Variants in SNX32 observed in about 807,000 individuals in gnomAD.
SNX32 encodes the protein sorting nexin 32, also known as sorting nexin-32.
A neutral mutation model predicts 57.0 loss-of-function variants in SNX32; 58 were observed. The observed-to-expected ratio is 1.02, with a 90% CI of 0.82 to 1.27. The LOEUF (loss-of-function observed/expected upper bound fraction) is 1.27. Ranked by LOEUF, SNX32 falls within the 50% of genes most tolerant of loss-of-function variation. The pLI, the probability that SNX32 is intolerant of heterozygous loss-of-function variation, is 0.00. For synonymous variants in SNX32, 262 were observed against 220.4 expected, an observed-to-expected ratio of 1.19 and a Z score of -1.67; for missense variants, 589 against 541.2, an observed-to-expected ratio of 1.09 and a Z score of -0.88.
At chr11:65,851,787 T>A in intron 9 of SNX32, 108 bp downstream of exon 9, 1 of 1,261,064 alleles carries the variant, frequency 7.9e-7, no homozygotes, top group South Asian at 1.2e-5. Flanking sequence ...AGTGATAACT[T>A]GGGCCCAGTG....
Position 65,850,553 on chromosome 11 carries a change from A to G in SNX32, c.497A>G (p.Asp166Gly). The change falls in exon 5 of 13, where the codon GAT (aspartate) becomes GGT (glycine). Residue 166 changes from aspartate to glycine, a missense_variant and splice_region_variant. Transcript: ENST00000308342. The part of the protein sequence containing the change: ...NFFVFLEYGQ[D>G]LSVRGKNRKE... ...TTTGTGTTTTTGGAATATGGACAGG[A>G]TGTGAGCTGGGCCGAATCCCTGGGG... The G allele has an allele frequency of 1.2e-6, 2 of 1,605,742 alleles. No individual in the cohort carries two copies. Among genetic ancestry groups the G allele is most frequent in the Non-Finnish European group, 1.7e-6 (2 of 1,175,998 alleles).
intron 1 of SNX32, among the ~76,000 whole-genome samples, chr11:65,839,223 G>GTTGTTTTTTTTTTTTTTTT: frequency 4.3e-5 from 1 of 23,068 alleles, no homozygotes; most frequent in South Asian, 2.1e-3. Flanking sequence ...TAATTTTTTT[G>GTTGTTTTTTTTTTTTTTTT]TATTTTTTTT....
In SNX32 at chr11:65,834,319, G is replaced by A. The variant is rs550598765; in HGVS notation, c.36+218G>A. ...CATATGTCTGTGTGTGTGTGTATCTGTGTATGTCTGTATTTGTGTCTCTGT... is the reference window on the plus strand; with the variant it reads ...CATATGTCTGTGTGTGTGTGTATCTATGTATGTCTGTATTTGTGTCTCTGT... On this transcript the variant is annotated intron_variant, in intron 1 of 12. Transcript: ENST00000308342. Among the ~76,000 whole-genome samples the A allele has an allele frequency of 6.6e-6, 1 of 151,498 alleles. No individual in the cohort carries two copies. Among genetic ancestry groups the A allele is most frequent in the African/African-American group, 2.4e-5 (1 of 41,252 alleles).
At chr11:65,847,014 G>T (rs1018273722) in intron 1 of SNX32, among the ~76,000 whole-genome samples, 24 of 142,454 alleles carry the variant, frequency 1.7e-4, no homozygotes, top group East Asian at 6.1e-4. Context: ...AGTTTTTTTT[G>T]TTTTTTTTTT....
intron 1 of SNX32, among the ~76,000 whole-genome samples, chr11:65,847,366 G>C (rs898213105): frequency 6.6e-6 from 1 of 152,058 alleles, no homozygotes; most frequent in Non-Finnish European, 1.5e-5. Flanking sequence ...CTTGCTACTT[G>C]GAAGGCTGAG....
intron 1 of SNX32, among the ~76,000 whole-genome samples, chr11:65,836,884 C>T (rs1858683197): frequency 6.6e-6 from 1 of 151,158 alleles, no homozygotes; most frequent in Non-Finnish European, 1.5e-5. Context: ...GAACAATACA[C>T]ACTGTGGCCT....
intron 6 of SNX32, 41 bp downstream of exon 6, chr11:65,850,896 C>G (rs1565253794): frequency 3.8e-6 from 6 of 1,572,310 alleles, no homozygotes; most frequent in Non-Finnish European, 5.2e-6. Context: ...CCCAGCACCT[C>G]AAGTCCACAG....
At chr11:65,834,582 T>G (rs1000181791) in intron 1 of SNX32, among the ~76,000 whole-genome samples, 3 of 150,338 alleles carry the variant, frequency 2.0e-5, no homozygotes, top group Non-Finnish European at 4.4e-5. Context: ...CTGTGTATGG[T>G]CTGCGTGTGT....
chr11:65,839,790 C>T (rs1260701495), intron 1 of SNX32, among the ~76,000 whole-genome samples: 1 of 150,882 alleles, frequency 6.6e-6, no homozygotes, highest in Admixed American at 6.6e-5. Context: ...GATAATACTT[C>T]ATGAACAAGG....
In SNX32 at chr11:65,850,218, G is replaced by A. The variant is rs373911989; in HGVS notation, c.321G>A (p.Gly107=). ...AAAAGCTACAGAAATTGGGCGAGGGGGACAGCTCTGTCACTCGGGAAGAGT... is the reference window on the plus strand; with the variant it reads ...AAAAGCTACAGAAATTGGGCGAGGGAGACAGCTCTGTCACTCGGGAAGAGT... The part of the protein sequence containing the change: ...SREKLQKLGE[G]DSSVTREEFA... Residue 107 remains glycine (G), a synonymous_variant, in exon 4 of 13, where the codon GGG becomes GGA. Transcript: ENST00000308342. 1.1e-5 allele frequency: 18 copies of A among 1,614,116 alleles called. No homozygotes were observed. The African/African-American group carries it at 2.1e-4, about 19-fold the overall frequency.
At chr11:65,853,207 G>A (rs780176877) in intron 12 of SNX32, 75 bp from the exon 13 acceptor site, 2 of 1,593,302 alleles carry the variant, frequency 1.3e-6, no homozygotes, top group South Asian at 1.1e-5. Context: ...GAGCGAGGGA[G>A]CATCTAAGGT....
Position 65,849,901 on chromosome 11 carries a change from T to C in SNX32, c.142-19T>C, listed in dbSNP as rs545971095. ...GCTTGGGGCAGAGAGAGGACCTCAG[T>C]TGGCCTTCCCGCTTCCAGAGCTGCC... On this transcript the variant is annotated intron_variant, in intron 2 of 12. Transcript: ENST00000308342. 130 of 1,546,496 alleles carry C rather than the reference T, an allele frequency of 8.4e-5. No homozygotes were observed. The South Asian group carries it at 1.5e-3, about 17-fold the overall frequency.
At chr11:65,852,328 G>A (rs1444834265) in intron 9 of SNX32, 137 bp from the exon 10 acceptor site, 4 of 756,512 alleles carry the variant, frequency 5.3e-6, no homozygotes, top group Non-Finnish European at 7.0e-6. Flanking sequence ...TCCCTGGCCT[G>A]CACCCCTCAA....
chr11:65,839,880 C>T (rs886349878), intron 1 of SNX32, among the ~76,000 whole-genome samples: 16 of 151,890 alleles, frequency 1.1e-4, no homozygotes, highest in Admixed American at 4.6e-4. Context: ...TAACAAAGGC[C>T]GGGCGCGGTG....
At chr11:65,849,615 G>A (rs369576165) in intron 2 of SNX32, 33 bp downstream of exon 2, 10 of 1,566,558 alleles carry the variant, frequency 6.4e-6, no homozygotes, top group Non-Finnish European at 8.7e-6. Context: ...GAAAGGTCCT[G>A]GTGGCTGCCC....
chr11:65,846,567 G>GAA (rs199953456), intron 1 of SNX32, among the ~76,000 whole-genome samples: 16 of 118,368 alleles, frequency 1.4e-4, no homozygotes, highest in African/African-American at 4.7e-4. Context: ...ACTCTGTCTC[G>GAA]AAAAAAAAAA....
rs373141731 is a variant in SNX32, at chr11:65,849,552, G to C, written c.111G>C (p.Arg37=). ...AGATTTCTGACGCAGTGAGTGAGCGGGACAAGGTGAAATTCACTGTTCAAA... is the reference window on the plus strand; with the variant it reads ...AGATTTCTGACGCAGTGAGTGAGCGCGACAAGGTGAAATTCACTGTTCAAA... ...QVEISDAVSE[R]DKVKFTVQTK... The change falls in exon 2 of 13, where the codon CGG becomes CGC. Residue 37 remains arginine (R), a synonymous_variant. Coordinates refer to ENST00000308342, the MANE Select transcript of SNX32 (RefSeq NM_152760.3). 6 of 1,614,076 alleles carry C rather than the reference G, an allele frequency of 3.7e-6. No homozygotes were observed. Among genetic ancestry groups the C allele is most frequent in the Non-Finnish European group, 5.1e-6 (6 of 1,180,026 alleles).
At position 65,853,272 on chromosome 11, in the gene SNX32, T is replaced by C; in HGVS notation, c.1159-10T>C. The C allele has an allele frequency of 6.2e-7, 1 of 1,613,992 alleles. No homozygotes were observed. Among genetic ancestry groups the C allele is most frequent in the South Asian group, 1.1e-5 (1 of 91,078 alleles). Reference sequence around the variant, plus strand: ...GCAGGGGACTTCAAGGACCTGTTTCTCCTCTGCAGGCCAGCACCCTGATTC... The same window carrying C: ...GCAGGGGACTTCAAGGACCTGTTTCCCCTCTGCAGGCCAGCACCCTGATTC... On this transcript the variant is annotated splice_polypyrimidine_tract_variant and intron_variant, in intron 12 of 12. Transcript: ENST00000308342.
chr11:65,851,584 A>AGGGTAGGG, intron 8 of SNX32, 56 bp from the exon 9 acceptor site: 1 of 1,596,588 alleles, frequency 6.3e-7, no homozygotes, highest in Non-Finnish European at 8.6e-7. Flanking sequence ...TGAGACAGAG[A>AGGGTAGGG]GGCTTTGAGC....
Sources: gnomAD v4.1 joint callset for allele counts (sites outside exome capture counted in the v4.1 genomes callset) on GRCh38, gnomAD v4.1.1 for gene constraint, MANE v1.5 for transcripts, NCBI Gene and HGNC (gene_info 2026-07-23, HGNC 2026-07-21) for gene names.